The following SLC2A13 variants were observed in gnomAD, a reference collection of about 807,000 sequenced individuals.
SLC2A13 encodes proton myo-inositol cotransporter.
A neutral mutation model predicts 64.4 loss-of-function variants in SLC2A13; 32 were observed. The ratio of observed to expected loss-of-function variants is 0.50; its 90% confidence interval spans 0.37 to 0.67. The LOEUF (loss-of-function observed/expected upper bound fraction) is 0.67, where lower values mean the gene tolerates loss of function less well. Ranked by LOEUF, SLC2A13 falls within the 30% of genes least tolerant of loss-of-function variation. The pLI, the probability that SLC2A13 is intolerant of heterozygous loss-of-function variation, is 0.00. For missense variants in SLC2A13, 743 were observed against 829.2 expected (o/e 0.90, Z 1.28); for synonymous variants, 338 against 327.1 (o/e 1.03, Z -0.36).
At chr12:39,846,149 C>T (rs1490943013) in intron 6 of SLC2A13, among the ~76,000 whole-genome samples, 2 of 152,142 alleles carry the variant, frequency 1.3e-5, no homozygotes, top group Non-Finnish European at 2.9e-5. Flanking sequence ...ACTATGCTCA[C>T]ATTCAGAACC....
intron 3 of SLC2A13, among the ~76,000 whole-genome samples, chr12:40,005,306 C>T (rs1947396721): frequency 6.6e-6 from 1 of 152,080 alleles, no homozygotes; most frequent in South Asian, 2.1e-4. Context: ...TGAAGTGTCC[C>T]CAGGTGAGCC....
At chr12:39,877,687 T>C (rs1378630898) in intron 4 of SLC2A13, among the ~76,000 whole-genome samples, 1 of 152,204 alleles carries the variant, frequency 6.6e-6, no homozygotes, top group Non-Finnish European at 1.5e-5. Context: ...TTTAAAAACA[T>C]GTGAATTCCA....
At chr12:40,091,040 A>G (rs935455878) in intron 1 of SLC2A13, among the ~76,000 whole-genome samples, 2 of 152,154 alleles carry the variant, frequency 1.3e-5, no homozygotes, top group African/African-American at 4.8e-5. Context: ...TACCTAAGCT[A>G]TATGCTATAG....
rs1419571414 is a variant in SLC2A13 at position 40,048,317 on chromosome 12, T to C, written c.557-107A>G. ...ACACTTACATATATGGGCTTGGTTT[T>C]CTACTTTAAGCAAAGGTTTACCACA... On this transcript the variant is annotated intron_variant, in intron 1 of 9. Coordinates refer to ENST00000280871, the MANE Select transcript of SLC2A13 (RefSeq NM_052885.4). 1.8e-5 allele frequency: 20 copies of C among 1,125,210 alleles called. No individual in the cohort carries two copies. In the East Asian group the frequency reaches 4.9e-4, roughly 28 times the overall value. The allele number at this position is 1,125,210 out of a possible 1,614,324, so 69.7% of individuals were successfully genotyped here. A position where few individuals can be genotyped will look rare whatever the true frequency, so the allele number is the denominator to read the frequency against.
intron 1 of SLC2A13, among the ~76,000 whole-genome samples, chr12:40,096,181 A>G (rs1398295753): frequency 2.0e-5 from 3 of 151,334 alleles, no homozygotes; most frequent in Non-Finnish European, 4.4e-5. Flanking sequence ...CACCCGCCTC[A>G]GCCTCCCAAA....
At chr12:39,986,509 C>T (rs535226957) in intron 3 of SLC2A13, among the ~76,000 whole-genome samples, 5 of 151,374 alleles carry the variant, frequency 3.3e-5, no homozygotes, top group South Asian at 2.1e-4. Context: ...TTAAATACAA[C>T]GAAATGAATT....
intron 1 of SLC2A13, among the ~76,000 whole-genome samples, chr12:40,095,957 C>T (rs1417092776): frequency 6.6e-5 from 10 of 152,064 alleles, no homozygotes; most frequent in Non-Finnish European, 1.0e-4. Flanking sequence ...TTTCTTGAGA[C>T]GGAGTCTCGC....
At chr12:39,913,442 C>A (rs1164197936) in intron 4 of SLC2A13, among the ~76,000 whole-genome samples, 1 of 148,606 alleles carries the variant, frequency 6.7e-6, no homozygotes, top group Non-Finnish European at 1.5e-5. Context: ...AGCCTCCATA[C>A]AATAATAAAT....
chr12:40,028,470 CTG>C lies in SLC2A13; in HGVS notation c.754_755del (p.Gln252ValfsTer9). The C allele has an allele frequency of 6.2e-7, 1 of 1,613,996 alleles. No homozygotes were observed. Among genetic ancestry groups the C allele is most frequent in the Non-Finnish European group, 8.5e-7 (1 of 1,179,950 alleles). On this transcript the variant is annotated frameshift_variant, in exon 3 of 10. Coordinates refer to ENST00000280871, the MANE Select transcript of SLC2A13 (RefSeq NM_052885.4). LOFTEE classifies it high-confidence loss of function. Reference sequence around the variant, plus strand: ...CAGGCAAAAAGAGAAAGCCAAAAAACTGTATAACCGCCGGAACTGCTGCAAGT... The same window carrying C: ...CAGGCAAAAAGAGAAAGCCAAAAAACTATAACCGCCGGAACTGCTGCAAGT... Reference protein sequence around the residue: ...LGLAAVPAVIQFFGFLFLPES... With the variant: ...LGLAAVPAVIXFFGFLFLPES...
At chr12:39,914,074 A>G (rs1229281472) in intron 4 of SLC2A13, among the ~76,000 whole-genome samples, 1 of 152,088 alleles carries the variant, frequency 6.6e-6, no homozygotes, top group Non-Finnish European at 1.5e-5. Context: ...AAATAGTTAA[A>G]TGAACTCACA....
intron 3 of SLC2A13, among the ~76,000 whole-genome samples, chr12:39,974,338 T>C (rs1373956733): frequency 6.6e-6 from 1 of 152,174 alleles, no homozygotes; most frequent in Admixed American, 6.5e-5. Context: ...CACTTACATA[T>C]GAACAGCACA....
intron 1 of SLC2A13, among the ~76,000 whole-genome samples, chr12:40,064,114 GCA>G (rs1187192905): frequency 6.6e-6 from 1 of 151,992 alleles, no homozygotes; most frequent in Non-Finnish European, 1.5e-5. Flanking sequence ...GCACAGTGGG[GCA>G]CACCTGTGAT....
rs57831012 is a variant in SLC2A13 at position 39,829,416 on chromosome 12, C to CT, written c.1445+686dup. On this transcript the variant is annotated intron_variant, in intron 7 of 9. Transcript: ENST00000280871. ...TCTTTTTTTTTTTTTTTTTTTTTTT[C>CT]TTTTTTTTGAGGCAGAGTCTTGCTC... The CT allele has an allele frequency of 1.5e-4, 10 of 67,616 alleles. 1 individual carries two copies. The highest frequency in any genetic ancestry group is 2.9e-4 in the Non-Finnish European group (10 of 35,032). The allele number at this position is 67,616 out of a possible 1,614,324, so 4.2% of individuals were successfully genotyped here.
chr12:40,064,441 G>A (rs1332108187), intron 1 of SLC2A13, among the ~76,000 whole-genome samples: 1 of 151,738 alleles, frequency 6.6e-6, no homozygotes, highest in East Asian at 1.9e-4. Flanking sequence ...ACCTAATATG[G>A]AGTCATTATT....
intron 3 of SLC2A13, among the ~76,000 whole-genome samples, chr12:40,020,887 A>G (rs1947703222): frequency 1.3e-5 from 2 of 151,796 alleles, no homozygotes; most frequent in African/African-American, 2.4e-5. Context: ...GCAACTCATG[A>G]ATTACATTCA....
At chr12:39,996,271 A>T (rs530404504) in intron 3 of SLC2A13, among the ~76,000 whole-genome samples, 2 of 152,328 alleles carry the variant, frequency 1.3e-5, no homozygotes, top group South Asian at 4.1e-4. Context: ...GATTTGTGGT[A>T]TCTAGTGGAA....
chr12:39,896,363 T>C (rs897470851), intron 4 of SLC2A13, among the ~76,000 whole-genome samples: 3 of 141,968 alleles, frequency 2.1e-5, no homozygotes, highest in Admixed American at 7.1e-5. Flanking sequence ...TATATGTGTA[T>C]ATATGTATAC....
rs1483046102 is a variant in SLC2A13 at position 39,980,926 on chromosome 12, A to G, written c.926-29561T>C. 2.4e-4 allele frequency among the ~76,000 whole-genome samples: 37 copies of G among 152,126 alleles called. No homozygotes were observed. The East Asian group carries it at 7.1e-3, about 29-fold the overall frequency. ...CAAAATTGACCACATAGTTGGAAGGAAAGCTCTCCTCAGCAAATGTAAAAG... is the reference window on the plus strand; with the variant it reads ...CAAAATTGACCACATAGTTGGAAGGGAAGCTCTCCTCAGCAAATGTAAAAG... On this transcript the variant is annotated intron_variant, in intron 3 of 9. Transcript: ENST00000280871.
At chr12:40,046,813 T>C (rs1038925047) in intron 2 of SLC2A13, among the ~76,000 whole-genome samples, 1 of 152,214 alleles carries the variant, frequency 6.6e-6, no homozygotes, top group Non-Finnish European at 1.5e-5. Flanking sequence ...TTTAGGTCTT[T>C]AATGGCTCAT....
Sources: allele counts gnomAD v4.1 joint callset (sites outside exome capture counted in the v4.1 genomes callset), GRCh38; gene constraint gnomAD v4.1.1; transcripts MANE v1.5; gene names NCBI Gene and HGNC (gene_info 2026-07-23, HGNC 2026-07-21).